The following AMMECR1 variants were observed in gnomAD, a reference collection of about 807,000 sequenced individuals.
AMMECR1 encodes nuclear protein AMMECR1.
AMMECR1 carries 3 observed loss-of-function variants against 22.5 expected under a neutral mutation model. That is an observed-to-expected ratio of 0.13 (90% CI 0.06 to 0.35). The LOEUF (loss-of-function observed/expected upper bound fraction) is 0.35. Ranked by LOEUF, AMMECR1 falls within the 10% of genes least tolerant of loss-of-function variation. The pLI is 1.00. For missense variants in AMMECR1, 235 were observed against 278.7 expected, an observed-to-expected ratio of 0.84 and a Z score of 1.12; for synonymous variants, 130 against 116.7, an observed-to-expected ratio of 1.11 and a Z score of -0.74.
chrX:110,378,008 CA>C (rs755483656), intron 2 of AMMECR1, among the ~76,000 whole-genome samples: 448 of 30,949 alleles, frequency 0.014, 1 homozygote, highest in South Asian at 0.043. Flanking sequence ...GACTCCGTCT[CA>C]AAAAAAAAAA....
intron 2 of AMMECR1, among the ~76,000 whole-genome samples, chrX:110,394,242 G>C (rs1035591969): frequency 8.9e-6 from 1 of 112,022 alleles, no homozygotes; most frequent in South Asian, 3.7e-4. Flanking sequence ...GGTGGTTTTT[G>C]TTTGTTTGTT....
intron 2 of AMMECR1, among the ~76,000 whole-genome samples, chrX:110,329,205 C>T (rs1176438249): frequency 1.8e-5 from 2 of 112,521 alleles, no homozygotes; most frequent in Admixed American, 1.9e-4. Flanking sequence ...TGGCATTTCT[C>T]TAATGGTCAG....
upstream of AMMECR1, chrX:110,318,159 C>CGGGGGCGCGCCAGAGGCTGG: frequency 1.1e-6 from 1 of 870,858 alleles, no homozygotes; most frequent in Non-Finnish European, 1.4e-6. Flanking sequence ...CTCAGGCCGC[C>CGGGGGCGCGCCAGAGGCTGG]GGGGGCGCGC....
chrX:110,359,941 A>G (rs2068252331), intron 2 of AMMECR1, among the ~76,000 whole-genome samples: 1 of 111,811 alleles, frequency 8.9e-6, no homozygotes, highest in Non-Finnish European at 1.9e-5. Flanking sequence ...CACTTTCCAA[A>G]CTCTGGGAAT....
chrX:110,276,365 G>A (rs959041495), intron 1 of AMMECR1, among the ~76,000 whole-genome samples: 2 of 110,924 alleles, frequency 1.8e-5, no homozygotes, highest in African/African-American at 3.3e-5. Context: ...CTGTTTCTAC[G>A]GATTGGCTTC....
chrX:110,412,214 C>A (rs868087650), intron 2 of AMMECR1, among the ~76,000 whole-genome samples: 1 of 112,566 alleles, frequency 8.9e-6, no homozygotes, highest in Non-Finnish European at 1.9e-5. Flanking sequence ...CTCATTCACT[C>A]TTGATGCACA....
At chrX:110,359,290 C>A (rs1366719107) in intron 2 of AMMECR1, among the ~76,000 whole-genome samples, 1 of 111,208 alleles carries the variant, frequency 9.0e-6, no homozygotes, top group Non-Finnish European at 1.9e-5. Flanking sequence ...TTCCCTTACC[C>A]CTTTGGCTTT....
At chrX:110,405,095 C>T (rs569106423) in intron 2 of AMMECR1, among the ~76,000 whole-genome samples, 5 of 100,506 alleles carry the variant, frequency 5.0e-5, no homozygotes, top group East Asian at 6.5e-4. Flanking sequence ...GTGTCCCCCC[C>T]CCCCCCAAGC....
chrX:110,424,363 A>G (rs1001281841), intron 2 of AMMECR1, among the ~76,000 whole-genome samples: 2 of 111,348 alleles, frequency 1.8e-5, no homozygotes, highest in African/African-American at 3.3e-5. Flanking sequence ...CTCCTCCTCT[A>G]TTTATCCAGA....
intron 2 of AMMECR1, among the ~76,000 whole-genome samples, chrX:110,326,143 C>A (rs1280031000): frequency 9.0e-6 from 1 of 110,717 alleles, no homozygotes; most frequent in Non-Finnish European, 1.9e-5. Context: ...GTGTGCATCA[C>A]CACGCCTGGC....
intron 1 of AMMECR1, among the ~76,000 whole-genome samples, chrX:110,295,609 C>T (rs1288196073): frequency 8.9e-6 from 1 of 112,032 alleles, no homozygotes; most frequent in Non-Finnish European, 1.9e-5. Context: ...TAAAGCTTAA[C>T]TTTGGAAATA....
chrX:110,376,434 A>G (rs996175748), intron 2 of AMMECR1, among the ~76,000 whole-genome samples: 3 of 111,407 alleles, frequency 2.7e-5, no homozygotes, highest in Non-Finnish European at 5.6e-5. Context: ...TTAATCTGAG[A>G]CACCATGGCT....
chrX:110,384,708 A>G (rs1442604184), intron 2 of AMMECR1, among the ~76,000 whole-genome samples: 1 of 110,817 alleles, frequency 9.0e-6, no homozygotes, highest in Non-Finnish European at 1.9e-5. Flanking sequence ...GAAGGTGACA[A>G]ATGTGGCTGG....
intron 1 of AMMECR1, among the ~76,000 whole-genome samples, chrX:110,269,002 AT>A (rs1040269324): frequency 8.9e-6 from 1 of 111,896 alleles, no homozygotes; most frequent in Non-Finnish European, 1.9e-5. Flanking sequence ...TTTTAAAGTA[AT>A]TTTCCTACTT....
chrX:110,389,721 G>T (rs2068481889), intron 2 of AMMECR1, among the ~76,000 whole-genome samples: 1 of 109,941 alleles, frequency 9.1e-6, no homozygotes, highest in Non-Finnish European at 1.9e-5. Context: ...GAGGAAGGGA[G>T]AAAGTAGAAA....
chrX:110,376,023 C>T (rs768326377), intron 2 of AMMECR1, among the ~76,000 whole-genome samples: 1 of 111,624 alleles, frequency 9.0e-6, no homozygotes, highest in South Asian at 3.9e-4. Flanking sequence ...GTCACATTCT[C>T]ATTTTAGTGA....
chrX:110,390,283 G>C (rs1384265137), intron 2 of AMMECR1, among the ~76,000 whole-genome samples: 1 of 110,584 alleles, frequency 9.0e-6, no homozygotes, highest in Non-Finnish European at 1.9e-5. Flanking sequence ...TAAACACAAG[G>C]GTCAATTCAA....
intron 2 of AMMECR1, among the ~76,000 whole-genome samples, chrX:110,401,818 C>T (rs192792637): frequency 8.9e-6 from 1 of 112,341 alleles, no homozygotes; most frequent in Non-Finnish European, 1.9e-5. Flanking sequence ...ATCTCCTAGA[C>T]GTGTTGTGAG....
intron 3 of AMMECR1, among the ~76,000 whole-genome samples, chrX:110,213,572 G>A (rs2067457889): frequency 8.9e-6 from 1 of 112,203 alleles, no homozygotes; most frequent in Admixed American, 9.4e-5. Context: ...GAACATTCAT[G>A]CACAAGTTTT....
Sources: allele counts gnomAD v4.1 joint callset (sites outside exome capture counted in the v4.1 genomes callset), GRCh38; gene constraint gnomAD v4.1.1; transcripts MANE v1.5; gene names NCBI Gene and HGNC (gene_info 2026-07-23, HGNC 2026-07-21).